Variants in ARHGAP26 observed in about 807,000 individuals in gnomAD.
ARHGAP26 encodes rho GTPase-activating protein 26.
In ARHGAP26, 38 loss-of-function variants were observed where a neutral mutation model predicts 104.8. The ratio of observed to expected loss-of-function variants is 0.36; its 90% confidence interval spans 0.28 to 0.48. ARHGAP26 has a LOEUF of 0.48. Ranked by LOEUF, ARHGAP26 falls within the 20% of genes least tolerant of loss-of-function variation. ARHGAP26 has a pLI of 0.99. For missense variants in ARHGAP26, 704 were observed against 947.9 expected, an observed-to-expected ratio of 0.74 and a Z score of 3.38; for synonymous variants, 341 against 340.0, an observed-to-expected ratio of 1.00 and a Z score of -0.03.
intron 1 of ARHGAP26, among the ~76,000 whole-genome samples, chr5:142,844,671 C>G (rs1011710922): frequency 1.3e-5 from 2 of 151,722 alleles, no homozygotes; most frequent in Non-Finnish European, 2.9e-5. Context: ...TGAGACCAGC[C>G]TGGTCAACAT....
Position 142,826,311 on chromosome 5 carries a change from C to T in ARHGAP26, c.155-47089C>T, listed in dbSNP as rs1016268746. On this transcript the variant is annotated intron_variant, in intron 1 of 22. Coordinates refer to ENST00000645722, the MANE Select transcript of ARHGAP26 (RefSeq NM_001135608.3). ...GTCATGGTAGAGTAAGACTCACATC[C>T]GGGGTGGAGGAGGCGCTGTACACAG... 4.6e-5 allele frequency among the ~76,000 whole-genome samples: 7 copies of T among 152,102 alleles called. No individual in the cohort carries two copies. The East Asian group carries it at 7.7e-4, about 17-fold the overall frequency.
At position 142,875,126 on chromosome 5, in the gene ARHGAP26, G is replaced by A. The variant is rs770917906; in HGVS notation, c.267G>A (p.Glu89=). 3 of 1,614,018 alleles carry A rather than the reference G, an allele frequency of 1.9e-6. No homozygotes were observed. In the African/African-American group the frequency reaches 4.0e-5, roughly 22 times the overall value. ...GTTTTCCAGCAAGATCTTTGCAGGA[G>A]TTTGCCACTGTCCTCAGGAATCTTG... ...DEMCIARSLQ[E]FATVLRNLED... is the part of the protein sequence containing the mutation. Residue 89 remains glutamate, a synonymous_variant, in exon 3 of 23, where the codon GAG becomes GAA. Transcript: ENST00000645722.
chr5:143,102,395 G>A (rs1793375605), intron 17 of ARHGAP26, among the ~76,000 whole-genome samples: 1 of 152,160 alleles, frequency 6.6e-6, no homozygotes, highest in East Asian at 1.9e-4. Context: ...CTCAGTGTCG[G>A]CCCCAAACAT....
At chr5:142,950,199 G>A (rs1768094032) in intron 11 of ARHGAP26, among the ~76,000 whole-genome samples, 1 of 152,124 alleles carries the variant, frequency 6.6e-6, no homozygotes, top group African/African-American at 2.4e-5. Context: ...TGTAGTGGAG[G>A]AGTGAATGGG....
intron 14 of ARHGAP26, among the ~76,000 whole-genome samples, chr5:143,045,466 C>T (rs993033379): frequency 6.6e-6 from 1 of 152,328 alleles, no homozygotes. Context: ...CTTTTGTGAA[C>T]ATGCCCACAA....
intron 20 of ARHGAP26, among the ~76,000 whole-genome samples, chr5:143,178,488 T>C (rs1803824514): frequency 6.6e-6 from 1 of 152,224 alleles, no homozygotes; most frequent in African/African-American, 2.4e-5. Flanking sequence ...TTGCTTCCCC[T>C]ACCTACACTT....
chr5:142,973,932 A>G (rs1772645825), intron 11 of ARHGAP26, among the ~76,000 whole-genome samples: 2 of 152,176 alleles, frequency 1.3e-5, no homozygotes, highest in Admixed American at 1.3e-4. Context: ...CTGGTTTCTA[A>G]CCATTTTCCT....
intron 11 of ARHGAP26, among the ~76,000 whole-genome samples, chr5:142,993,532 T>A (rs1346604537): frequency 6.6e-6 from 1 of 152,200 alleles, no homozygotes; most frequent in African/African-American, 2.4e-5. Context: ...CTCGAATTCC[T>A]GACCTCAGGT....
intron 12 of ARHGAP26, among the ~76,000 whole-genome samples, chr5:143,033,586 C>T (rs999661515): frequency 9.9e-5 from 15 of 152,150 alleles, no homozygotes; most frequent in African/African-American, 2.9e-4. Flanking sequence ...TCATCACTGT[C>T]AGATGCTAGG....
At chr5:142,910,380 C>T (rs1455046153) in intron 9 of ARHGAP26, among the ~76,000 whole-genome samples, 2 of 152,166 alleles carry the variant, frequency 1.3e-5, no homozygotes, top group South Asian at 2.1e-4. Flanking sequence ...GACTGGCTGT[C>T]TAGAGGTGAT....
intron 20 of ARHGAP26, among the ~76,000 whole-genome samples, chr5:143,193,693 A>T (rs1324006527): frequency 6.6e-6 from 1 of 152,218 alleles, no homozygotes; most frequent in Non-Finnish European, 1.5e-5. Context: ...TACTGACTTA[A>T]GGAAGGGAAA....
At chr5:142,938,454 A>G (rs1190576385) in intron 11 of ARHGAP26, among the ~76,000 whole-genome samples, 1 of 152,222 alleles carries the variant, frequency 6.6e-6, no homozygotes, top group Non-Finnish European at 1.5e-5. Context: ...CGGAAACCTT[A>G]GTTCAGACTG....
At chr5:142,981,928 G>C (rs149179400) in intron 11 of ARHGAP26, among the ~76,000 whole-genome samples, 22 of 152,314 alleles carry the variant, frequency 1.4e-4, no homozygotes, top group African/African-American at 5.3e-4. Flanking sequence ...ATTTTACTCT[G>C]TAATTTATTG....
intron 11 of ARHGAP26, among the ~76,000 whole-genome samples, chr5:142,957,575 C>T (rs79884721): frequency 0.021 from 3,122 of 152,280 alleles, 108 homozygotes; most frequent in African/African-American, 0.07. Context: ...AGGTTTGATA[C>T]AGATTTCTAG....
intron 18 of ARHGAP26, among the ~76,000 whole-genome samples, chr5:143,122,827 A>G (rs571076628): frequency 6.6e-6 from 1 of 152,360 alleles, no homozygotes; most frequent in Non-Finnish European, 1.5e-5. Flanking sequence ...TTGATGGCAT[A>G]GAACTTCAGC....
intron 1 of ARHGAP26, among the ~76,000 whole-genome samples, chr5:142,861,118 C>T (rs997829740): frequency 4.6e-5 from 7 of 152,138 alleles, no homozygotes; most frequent in African/African-American, 1.7e-4. Flanking sequence ...GGACTGGAAT[C>T]CAGGCTGGAG....
At chr5:142,988,441 G>A in intron 11 of ARHGAP26, among the ~76,000 whole-genome samples, 1 of 152,184 alleles carries the variant, frequency 6.6e-6, no homozygotes, top group South Asian at 2.1e-4. Flanking sequence ...CAAAAAACTA[G>A]CTGCTGGATT....
chr5:142,991,770 G>T (rs886993316), intron 11 of ARHGAP26, among the ~76,000 whole-genome samples: 1 of 152,154 alleles, frequency 6.6e-6, no homozygotes, highest in Admixed American at 6.5e-5. Context: ...TGTGTAGTAG[G>T]CTATACCATC....
chr5:143,040,162 A>G (rs530659391), intron 13 of ARHGAP26, among the ~76,000 whole-genome samples: 2 of 152,354 alleles, frequency 1.3e-5, no homozygotes, highest in East Asian at 3.9e-4. Flanking sequence ...ACAAGCTGAC[A>G]TGTTACTGAA....
Sources: allele counts gnomAD v4.1 joint callset (sites outside exome capture counted in the v4.1 genomes callset), GRCh38; gene constraint gnomAD v4.1.1; transcripts MANE v1.5; gene names NCBI Gene and HGNC (gene_info 2026-07-23, HGNC 2026-07-21).